Variants in ANXA11 observed in about 807,000 individuals in gnomAD.
ANXA11 encodes annexin A11.
Under a neutral mutation model 64.7 loss-of-function variants are expected in ANXA11, and 57 were observed. That is an observed-to-expected ratio of 0.88 (90% CI 0.71 to 1.10). The LOEUF is 1.10. Ranked by LOEUF, ANXA11 falls within the 50% of genes least tolerant of loss-of-function variation. The probability of loss-of-function intolerance (pLI) is 0.00; values close to 1 mark genes in which losing one functional copy is unlikely to be tolerated. For synonymous variants in ANXA11, 260 were observed against 265.2 expected, an observed-to-expected ratio of 0.98 and a Z score of 0.19; for missense variants, 675 against 670.7, an observed-to-expected ratio of 1.01 and a Z score of -0.07.
chr10:80,198,992 T>C (rs542591379), intron 1 of ANXA11, among the ~76,000 whole-genome samples: 1 of 152,332 alleles, frequency 6.6e-6, no homozygotes, highest in African/African-American at 2.4e-5. Context: ...ATTAGGTTTG[T>C]TGCTGTTATC....
Position 80,169,034 on chromosome 10 carries a change from G to T in ANXA11, c.496C>A (p.Pro166Thr), listed in dbSNP as rs990530110. Reference sequence around the variant, plus strand: ...GGGTATCCTGGGTAGCTCGGCACTGGCTGCTGCTGCCCAGGGAGTGGCACT... The same window carrying T: ...GGGTATCCTGGGTAGCTCGGCACTGTCTGCTGCTGCCCAGGGAGTGGCACT... ...PPVPLPGQQQPVPSYPGYPGS... is the reference protein window; with the variant it reads ...PPVPLPGQQQTVPSYPGYPGS... The change falls in exon 5 of 16, where the codon CCA becomes ACA. Residue 166 changes from proline to threonine, a missense_variant. Coordinates refer to ENST00000422982, the MANE Select transcript of ANXA11 (RefSeq NM_145868.2). 2 of 1,545,580 alleles carry T rather than the reference G, an allele frequency of 1.3e-6. No individual in the cohort carries two copies. Among genetic ancestry groups the T allele is most frequent in the East Asian group, 2.3e-5 (1 of 44,256 alleles).
chr10:80,161,848 G>C, intron 12 of ANXA11, 87 bp downstream of exon 12: 6 of 1,200,536 alleles, frequency 5.0e-6, no homozygotes, highest in Non-Finnish European at 6.1e-6. Context: ...AGGGAGGAAC[G>C]ACCAAGTGTT....
chr10:80,203,702 G>C (rs1295172067), intron 1 of ANXA11, among the ~76,000 whole-genome samples: 1 of 152,196 alleles, frequency 6.6e-6, no homozygotes, highest in Non-Finnish European at 1.5e-5. Flanking sequence ...GTCAGTGCCA[G>C]AAGGGCTGAG....
chr10:80,156,938 T>C (rs765353030), intron 15 of ANXA11: 26 of 973,606 alleles, frequency 2.7e-5, no homozygotes, highest in Non-Finnish European at 2.9e-5. Flanking sequence ...CATGGTGCAA[T>C]TGCAAGGCTC....
intron 1 of ANXA11, among the ~76,000 whole-genome samples, chr10:80,194,010 G>A (rs942708530): frequency 6.6e-6 from 1 of 151,844 alleles, no homozygotes; most frequent in African/African-American, 2.4e-5. Flanking sequence ...GTAGAGACAG[G>A]GTTTCGCCAT....
chr10:80,164,192 C>T (rs778701669), intron 8 of ANXA11, 49 bp from the exon 9 acceptor site: 2 of 1,502,776 alleles, frequency 1.3e-6, no homozygotes, highest in Non-Finnish European at 1.8e-6. Flanking sequence ...CCAGCAGCCT[C>T]ACCAGCACTC....
chr10:80,159,249 T>C, intron 12 of ANXA11, 54 bp from the exon 13 acceptor site: 1 of 1,466,004 alleles, frequency 6.8e-7, no homozygotes, highest in Non-Finnish European at 9.6e-7. Flanking sequence ...TCCCCAAAGT[T>C]CATATGTGGA....
chr10:80,199,396 C>T (rs1232687673), intron 1 of ANXA11, among the ~76,000 whole-genome samples: 4 of 152,094 alleles, frequency 2.6e-5, no homozygotes, highest in Admixed American at 6.5e-5. Flanking sequence ...CGCGCCCAGC[C>T]AAGATAAACT....
intron 5 of ANXA11, 33 bp downstream of exon 5, chr10:80,168,936 C>T: frequency 6.7e-7 from 1 of 1,492,690 alleles, no homozygotes; most frequent in Non-Finnish European, 8.9e-7. Flanking sequence ...GGGCCCAGGC[C>T]TGGACCAAGG....
rs964780935 is a variant in ANXA11 at position 80,152,666 on chromosome 10, C to T, written c.*3187G>A. The T allele has an allele frequency of 6.6e-6, 1 of 152,374 alleles. No homozygotes were observed. Among genetic ancestry groups the T allele is most frequent in the African/African-American group, 2.4e-5 (1 of 41,464 alleles). The allele number at this position is 152,374 out of a possible 1,614,324, so 9.4% of individuals were successfully genotyped here. On this transcript the variant is annotated 3_prime_UTR_variant, in exon 16 of 16. Transcript: ENST00000422982. Reference sequence around the variant, plus strand: ...ATCTCATCAGCAGCTCTCACACTGTCCACCTTTACCTAGGCTGTCTTCTCC... The same window carrying T: ...ATCTCATCAGCAGCTCTCACACTGTTCACCTTTACCTAGGCTGTCTTCTCC...
rs1845526170 is a variant in ANXA11, at chr10:80,161,934, C to G, written c.1180+1G>C. The G allele has an allele frequency of 6.2e-7, 1 of 1,611,276 alleles. No homozygotes were observed. Among genetic ancestry groups the G allele is most frequent in the Admixed American group, 1.7e-5 (1 of 59,990 alleles). On this transcript the variant is annotated splice_donor_variant, in intron 12 of 15. Transcript: ENST00000422982. LOFTEE classifies it high-confidence loss of function. ...CTCTGAGGGACCCCAGCCTGCCTTA[C>G]CTGCTACCAGGTGGGCCCGGCTCCG...
chr10:80,183,144 C>T (rs533883959), intron 1 of ANXA11, among the ~76,000 whole-genome samples: 2 of 152,316 alleles, frequency 1.3e-5, no homozygotes, highest in African/African-American at 4.8e-5. Context: ...GCTAGGCACT[C>T]GTCCCAGGTC....
intron 7 of ANXA11, 120 bp from the exon 8 acceptor site, chr10:80,166,317 C>T (rs951588707): frequency 1.6e-6 from 1 of 620,218 alleles, no homozygotes; most frequent in East Asian, 2.8e-5. Context: ...ATGGACATCC[C>T]CCAGGGGCCT....
rs190193351 is a variant in ANXA11, at chr10:80,174,422, G to T, written c.-8-1553C>A. Among the ~76,000 whole-genome samples the T allele has an allele frequency of 5.1e-3, 779 of 151,374 alleles. 7 individuals are homozygous for T. Among genetic ancestry groups the T allele is most frequent in the African/African-American group, 0.018 (753 of 41,184 alleles). ...CTCCCAAGTAGCTAGGATTACAGGC[G>T]CCCGCCATCATGTCTGGCTAATTTT... On this transcript the variant is annotated intron_variant, in intron 2 of 15. Coordinates refer to ENST00000422982, the MANE Select transcript of ANXA11 (RefSeq NM_145868.2).
At chr10:80,166,040 G>GCACACACACACACACACACACA (rs753895566) in intron 8 of ANXA11, 44 bp downstream of exon 8, 1 of 979,872 alleles carries the variant, frequency 1.0e-6, no homozygotes, top group Non-Finnish European at 1.5e-6. Flanking sequence ...GCACACACGC[G>GCACACACACACACACACACACA]CGCACACACA....
Position 80,162,018 on chromosome 10 carries a change from G to A in ANXA11, c.1097C>T (p.Ala366Val), listed in dbSNP as rs370575501. 1.7e-5 allele frequency: 27 copies of A among 1,610,508 alleles called. No individual in the cohort carries two copies. Among genetic ancestry groups the A allele is most frequent in the Admixed American group, 6.7e-5 (4 of 59,978 alleles). Residue 366 changes from alanine (A) to valine (V), a missense_variant, in exon 12 of 16, where the codon GCG becomes GTG. Transcript: ENST00000422982. ...LAQRDAQELY[A>V]AGENRLGTDE... ...TGTTCCCAGGCGGTTCTCCCCGGCC[G>A]CATACAGCTCCTGGAGAGAGAGGAA...
intron 1 of ANXA11, among the ~76,000 whole-genome samples, chr10:80,188,783 C>T (rs759127491): frequency 7.2e-5 from 11 of 152,272 alleles, no homozygotes; most frequent in South Asian, 6.2e-4. Context: ...GACCAACACG[C>T]CTAGTGGCCA....
intron 1 of ANXA11, among the ~76,000 whole-genome samples, chr10:80,185,825 C>A (rs746980386): frequency 1.9e-4 from 29 of 152,234 alleles, no homozygotes; most frequent in Non-Finnish European, 2.6e-4. Flanking sequence ...CTACACTATA[C>A]TTCCTCACAG....
At chr10:80,156,481 T>C (rs1845281632) in intron 15 of ANXA11, 3 of 471,560 alleles carry the variant, frequency 6.4e-6, no homozygotes, top group South Asian at 1.5e-5. Context: ...CATAGCTTGC[T>C]GGCATGCAGG....
Sources: allele counts gnomAD v4.1 joint callset (sites outside exome capture counted in the v4.1 genomes callset), GRCh38; gene constraint gnomAD v4.1.1; transcripts MANE v1.5; gene names NCBI Gene and HGNC (gene_info 2026-07-23, HGNC 2026-07-21).